SYN3: variants seen among roughly 807,000 people sequenced by gnomAD.
SYN3 encodes synapsin III.
A neutral mutation model predicts 65.8 loss-of-function variants in SYN3; 35 were observed. The ratio of observed to expected loss-of-function variants is 0.53; its 90% CI spans 0.41 to 0.70. SYN3 has a LOEUF of 0.70. Among genes scored for constraint, SYN3 ranks in the 30% least tolerant of loss-of-function variants. SYN3 has a pLI of 0.00. For missense variants in SYN3, 680 were observed against 749.0 expected, an observed-to-expected ratio of 0.91 and a Z score of 1.08; for synonymous variants, 270 against 292.9, an observed-to-expected ratio of 0.92 and a Z score of 0.80.
intron 6 of SYN3, among the ~76,000 whole-genome samples, chr22:32,756,285 T>G (rs1312856536): frequency 6.6e-6 from 1 of 151,502 alleles, no homozygotes; most frequent in Non-Finnish European, 1.5e-5. Flanking sequence ...CAGAAATAAT[T>G]TATAGAGGCA....
At chr22:32,856,522 C>G (rs1189472075) in intron 6 of SYN3, among the ~76,000 whole-genome samples, 2 of 152,008 alleles carry the variant, frequency 1.3e-5, no homozygotes, top group Non-Finnish European at 1.5e-5. Context: ...CTCCTGTGTT[C>G]CTCTTATTTT....
chr22:32,978,720 C>A (rs574116610), intron 3 of SYN3, among the ~76,000 whole-genome samples: 1 of 152,308 alleles, frequency 6.6e-6, no homozygotes, highest in African/African-American at 2.4e-5. Flanking sequence ...TGCATTCTTA[C>A]TAGCTGTGTG....
intron 6 of SYN3, among the ~76,000 whole-genome samples, chr22:32,673,962 G>A (rs1183721231): frequency 6.6e-6 from 1 of 152,138 alleles, no homozygotes; most frequent in Non-Finnish European, 1.5e-5. Flanking sequence ...GAGCTACTCT[G>A]TGGAGGTGTG....
rs554421120 is a variant in SYN3, at chr22:32,548,188, T to G, written c.775-6475A>C. On this transcript the variant is annotated intron_variant, in intron 7 of 13. Transcript: ENST00000358763. The stretch of plus-strand genomic sequence containing the variant: ...GACTGTCCCCTCCCTCTATCCAGAA[T>G]CCACCTGGCATATTCCTGCCTCAGG... Among the ~76,000 whole-genome samples the G allele has an allele frequency of 5.9e-5, 9 of 152,298 alleles. No homozygotes were observed. In the South Asian group the frequency reaches 1.9e-3, roughly 32 times the overall value.
intron 1 of SYN3, among the ~76,000 whole-genome samples, chr22:33,021,620 T>C (rs942780686): frequency 6.6e-6 from 1 of 152,202 alleles, no homozygotes; most frequent in Admixed American, 6.5e-5. Context: ...ACTCTCTGTC[T>C]ACAGACACAT....
At position 32,513,545 on chromosome 22, in the gene SYN3, T is replaced by G. The variant is rs1203901498; in HGVS notation, c.*147A>C. 5.6e-6 allele frequency: 6 copies of G among 1,065,720 alleles called. No homozygotes were observed. The highest frequency in any genetic ancestry group is 3.2e-4 in the Middle Eastern group (1 of 3,110). 66.0% of individuals were successfully genotyped at this position (1,065,720 alleles called of 1,614,324 possible). On this transcript the variant is annotated 3_prime_UTR_variant, in exon 14 of 14. Coordinates refer to ENST00000358763, the MANE Select transcript of SYN3 (RefSeq NM_003490.4). ...GAAGGAAAATGGGAACAAATATAGA[T>G]AATCGGTTCCTGGGTCAAAGGCATT... is the stretch of plus-strand genomic sequence containing the variant.
At chr22:32,876,621 C>A (rs555096868) in intron 4 of SYN3, among the ~76,000 whole-genome samples, 2 of 149,628 alleles carry the variant, frequency 1.3e-5, no homozygotes, top group African/African-American at 4.9e-5. Flanking sequence ...GAGCACAGAG[C>A]ATTTTTACAA....
chr22:32,785,850 C>A (rs949121878), intron 6 of SYN3, among the ~76,000 whole-genome samples: 6 of 152,192 alleles, frequency 3.9e-5, no homozygotes, highest in African/African-American at 1.4e-4. Flanking sequence ...TTGCTTCCTG[C>A]TCTGTCTCTG....
intron 6 of SYN3, among the ~76,000 whole-genome samples, chr22:32,644,912 G>T (rs2059962340): frequency 1.3e-5 from 2 of 152,122 alleles, no homozygotes; most frequent in African/African-American, 4.8e-5. Flanking sequence ...GAATCACAGT[G>T]CCTTTGGCCC....
chr22:32,855,346 TGAA>T (rs2048334976), intron 6 of SYN3, among the ~76,000 whole-genome samples: 1 of 152,222 alleles, frequency 6.6e-6, no homozygotes, highest in Admixed American at 6.5e-5. Context: ...ACTGTGCCTC[TGAA>T]GGAGGCACAG....
intron 6 of SYN3, among the ~76,000 whole-genome samples, chr22:32,773,527 A>T (rs1302438953): frequency 6.6e-6 from 1 of 151,992 alleles, no homozygotes; most frequent in Non-Finnish European, 1.5e-5. Context: ...TCTTTCTCAA[A>T]AGAGGTGGGA....
chr22:32,584,010 G>A (rs2058987038), intron 7 of SYN3: 2 of 152,308 alleles, frequency 1.3e-5, no homozygotes, highest in East Asian at 1.9e-4. Flanking sequence ...GAATCAGCAC[G>A]AGAATGCAGT....
At chr22:32,907,799 G>C (rs1206888392) in intron 4 of SYN3, among the ~76,000 whole-genome samples, 2 of 152,070 alleles carry the variant, frequency 1.3e-5, no homozygotes, top group Non-Finnish European at 2.9e-5. Flanking sequence ...GCCCCAAAAG[G>C]CTGCTATTGA....
chr22:32,758,420 A>C (rs1362913568), intron 6 of SYN3, among the ~76,000 whole-genome samples: 2 of 151,718 alleles, frequency 1.3e-5, no homozygotes, highest in African/African-American at 2.4e-5. Flanking sequence ...GGGCTGGGGA[A>C]GACAGACCCA....
Position 32,524,123 on chromosome 22 carries a change from C to CA in SYN3, c.1318+3794dup, listed in dbSNP as rs566325977. Among the ~76,000 whole-genome samples, 39 of 152,302 alleles carry CA rather than the reference C, an allele frequency of 2.6e-4. No individual in the cohort carries two copies. In the South Asian group the frequency reaches 7.9e-3, roughly 31 times the overall value. The stretch of plus-strand genomic sequence containing the variant: ...CTCAGGAAAGAAGCCATCTCCATAA[C>CA]AAAAACTGCAAGGTGAAGCTGCAAG... On this transcript the variant is annotated intron_variant, in intron 12 of 13. Coordinates refer to ENST00000358763, the MANE Select transcript of SYN3 (RefSeq NM_003490.4).
intron 4 of SYN3, among the ~76,000 whole-genome samples, chr22:32,895,749 C>T (rs2049575021): frequency 6.6e-6 from 1 of 152,120 alleles, no homozygotes; most frequent in Non-Finnish European, 1.5e-5. Flanking sequence ...ATGAAACCGA[C>T]AAACATTTCC....
chr22:32,936,651 C>G (rs1420724471), intron 3 of SYN3, among the ~76,000 whole-genome samples: 2 of 152,150 alleles, frequency 1.3e-5, no homozygotes, highest in Non-Finnish European at 2.9e-5. Flanking sequence ...CTGGGAAGAA[C>G]CCATGTGCTC....
At chr22:33,024,313 C>T (rs1352997875) in intron 1 of SYN3, among the ~76,000 whole-genome samples, 3 of 152,176 alleles carry the variant, frequency 2.0e-5, no homozygotes, top group African/African-American at 4.8e-5. Context: ...CTCTAATATG[C>T]GCCCATATCA....
At chr22:32,526,666 C>T (rs1041244621) in intron 12 of SYN3, among the ~76,000 whole-genome samples, 2 of 152,056 alleles carry the variant, frequency 1.3e-5, no homozygotes, top group African/African-American at 4.8e-5. Flanking sequence ...CAGGTGCACA[C>T]CACCACCACA....
Sources: allele counts gnomAD v4.1 joint callset (sites outside exome capture counted in the v4.1 genomes callset), GRCh38; gene constraint gnomAD v4.1.1; transcripts MANE v1.5; gene names NCBI Gene and HGNC (gene_info 2026-07-23, HGNC 2026-07-21).